HACE1: variants seen among roughly 807,000 people sequenced by gnomAD.
HACE1 encodes E3 ubiquitin-protein ligase HACE1.
In HACE1, 73 loss-of-function variants were observed where a neutral mutation model predicts 118.4. That is an observed-to-expected ratio of 0.62 (90% CI 0.51 to 0.75). HACE1 has a LOEUF of 0.75. HACE1 is among the 30% of genes least tolerant of loss of function. The pLI, the probability that HACE1 is intolerant of heterozygous loss-of-function variation, is 0.00. For synonymous variants in HACE1, 368 were observed against 374.8 expected, an observed-to-expected ratio of 0.98 and a Z score of 0.21; for missense variants, 749 against 1,102.2, an observed-to-expected ratio of 0.68 and a Z score of 4.54.
At chr6:104,830,802 A>G (rs1358183648) in intron 6 of HACE1, among the ~76,000 whole-genome samples, 1 of 139,372 alleles carries the variant, frequency 7.2e-6, no homozygotes, top group East Asian at 2.0e-4. Flanking sequence ...GTGGTAATTC[A>G]CTAGCATGAT....
At chr6:104,829,425 A>C (rs1015575851) in intron 6 of HACE1, among the ~76,000 whole-genome samples, 9 of 152,166 alleles carry the variant, frequency 5.9e-5, no homozygotes, top group Non-Finnish European at 1.3e-4. Flanking sequence ...TATTAGCACA[A>C]CTATGAACAC....
At chr6:104,765,759 A>G (rs1779934498) in intron 19 of HACE1, among the ~76,000 whole-genome samples, 1 of 152,206 alleles carries the variant, frequency 6.6e-6, no homozygotes, top group Non-Finnish European at 1.5e-5. Context: ...AGGCTGACAA[A>G]TCCACTCTTT....
chr6:104,852,201 G>C (rs1375051530), intron 2 of HACE1, 116 bp downstream of exon 2: 2 of 549,466 alleles, frequency 3.6e-6, no homozygotes, highest in South Asian at 3.5e-5. Flanking sequence ...CAAACTGTCT[G>C]TGTGTGTGTG....
chr6:104,842,902 A>T (rs1183833180), intron 5 of HACE1, among the ~76,000 whole-genome samples: 1 of 152,204 alleles, frequency 6.6e-6, no homozygotes, highest in Non-Finnish European at 1.5e-5. Flanking sequence ...ACTTGAGGCC[A>T]GAAGTTAGAA....
chr6:104,851,051 A>G, intron 2 of HACE1, 55 bp from the exon 3 acceptor site: 2 of 990,832 alleles, frequency 2.0e-6, no homozygotes, highest in Non-Finnish European at 3.3e-6. Context: ...TAAAAACATA[A>G]TAAATCAAGT....
intron 14 of HACE1, among the ~76,000 whole-genome samples, chr6:104,781,078 T>A (rs1370790007): frequency 6.6e-6 from 1 of 152,238 alleles, no homozygotes; most frequent in Non-Finnish European, 1.5e-5. Flanking sequence ...CTTTGATCAC[T>A]GCTAAGCTTC....
At chr6:104,802,690 G>A (rs1169551189) in intron 7 of HACE1, among the ~76,000 whole-genome samples, 1 of 152,176 alleles carries the variant, frequency 6.6e-6, no homozygotes, top group Admixed American at 6.5e-5. Context: ...CAACATACCA[G>A]AATCTCTGGG....
In HACE1 at chr6:104,763,593, T is replaced by TA. The variant is rs1026850387; in HGVS notation, c.2211+7599dup. ...CACTTACACCTAACTACTTAATGGT[T>TA]AAAAAAAAAAAAGGGGCATACCATT... On this transcript the variant is annotated intron_variant, in intron 19 of 23. Coordinates refer to ENST00000262903, the MANE Select transcript of HACE1 (RefSeq NM_020771.4). 4.0e-3 allele frequency among the ~76,000 whole-genome samples: 565 copies of TA among 141,298 alleles called. 1 individual carries two copies. The highest frequency in any genetic ancestry group is 0.011 in the African/African-American group (429 of 38,552). The allele number at this position is 141,298 out of a possible 152,430, so 92.7% of individuals were successfully genotyped here.
At chr6:104,789,350 A>G (rs1271966098) in intron 11 of HACE1, among the ~76,000 whole-genome samples, 1 of 152,146 alleles carries the variant, frequency 6.6e-6, no homozygotes, top group Non-Finnish European at 1.5e-5. Flanking sequence ...TTAAGAGAAA[A>G]TAAGTGATGA....
intron 5 of HACE1, among the ~76,000 whole-genome samples, chr6:104,836,156 T>A (rs1027773238): frequency 4.6e-5 from 7 of 151,820 alleles, no homozygotes; most frequent in African/African-American, 1.7e-4. Flanking sequence ...GCAAAAGGAA[T>A]CCCCAGATGA....
chr6:104,745,771 C>G (rs945192004), intron 20 of HACE1, among the ~76,000 whole-genome samples: 1 of 152,036 alleles, frequency 6.6e-6, no homozygotes, highest in African/African-American at 2.4e-5. Context: ...TGTAGATGCC[C>G]TGTGATTCAA....
rs767361405 is a variant in HACE1 at position 104,843,323 on chromosome 6, TA to T, written c.327-26del. The T allele has an allele frequency of 2.0e-5, 21 of 1,025,986 alleles. 2 individuals carry two copies. The South Asian group carries it at 2.6e-4, about 13-fold the overall frequency. The allele number at this position is 1,025,986 out of a possible 1,614,324, so 63.6% of individuals were successfully genotyped here. On this transcript the variant is annotated intron_variant, in intron 4 of 23. Coordinates refer to ENST00000262903, the MANE Select transcript of HACE1 (RefSeq NM_020771.4). ...CCTGAAAAGAAAAAAGAGTCATGGA[TA>T]ACTGGTACTTAAAAAATATATGCAA...
intron 5 of HACE1, among the ~76,000 whole-genome samples, chr6:104,839,787 C>A (rs1774914554): frequency 6.6e-6 from 1 of 152,138 alleles, no homozygotes; most frequent in Admixed American, 6.6e-5. Flanking sequence ...GGGTAGATCA[C>A]CTGAGGTCAG....
intron 22 of HACE1, among the ~76,000 whole-genome samples, chr6:104,738,538 T>C (rs1209713803): frequency 2.0e-5 from 3 of 149,518 alleles, no homozygotes; most frequent in East Asian, 1.9e-4. Context: ...CCTCAGGAGC[T>C]GATGTGATCA....
intron 19 of HACE1, among the ~76,000 whole-genome samples, chr6:104,758,810 G>A (rs573126178): frequency 7.2e-5 from 11 of 151,936 alleles, no homozygotes; most frequent in East Asian, 1.9e-4. Context: ...CCCATCTCAC[G>A]TGCAAAGACA....
chr6:104,776,635 C>A, intron 17 of HACE1, 106 bp downstream of exon 17: 1 of 759,420 alleles, frequency 1.3e-6, no homozygotes, highest in Non-Finnish European at 2.4e-6. Flanking sequence ...TAAGAATATC[C>A]CACCTAGCTC....
At chr6:104,737,297 A>AAG (rs1775973409) in intron 22 of HACE1, among the ~76,000 whole-genome samples, 1 of 151,182 alleles carries the variant, frequency 6.6e-6, no homozygotes, top group Non-Finnish European at 1.5e-5. Flanking sequence ...AAAAAAAAAA[A>AAG]AAAAAAAAAA....
At chr6:104,733,578 C>T (rs1006062213) in intron 22 of HACE1, among the ~76,000 whole-genome samples, 3 of 152,088 alleles carry the variant, frequency 2.0e-5, no homozygotes, top group Non-Finnish European at 4.4e-5. Flanking sequence ...ATTGGCCAGG[C>T]GCGGTGGCTC....
chr6:104,831,986 GGAAGGAAGGAAGGA>G, intron 6 of HACE1, among the ~76,000 whole-genome samples: 1 of 37,438 alleles, frequency 2.7e-5, no homozygotes, highest in East Asian at 7.7e-4. Context: ...AAGAGAGGAA[GGAAGGAAGGAAGGA>G]AGGAAGGAAG....
Sources: gnomAD v4.1 joint callset for allele counts (sites outside exome capture counted in the v4.1 genomes callset) on GRCh38, gnomAD v4.1.1 for gene constraint, MANE v1.5 for transcripts, NCBI Gene and HGNC (gene_info 2026-07-23, HGNC 2026-07-21) for gene names.